RCAN2: variants seen among roughly 807,000 people sequenced by gnomAD.
RCAN2 encodes calcipressin-2.
A neutral mutation model predicts 23.6 loss-of-function variants in RCAN2; 9 were observed. That is an observed-to-expected ratio of 0.38 (90% CI 0.23 to 0.67). The LOEUF is 0.67. Ranked by LOEUF, RCAN2 falls within the 30% of genes least tolerant of loss-of-function variation. RCAN2 has a pLI of 0.51. For synonymous variants in RCAN2, 109 were observed against 115.7 expected (o/e 0.94, Z 0.37); for missense variants, 273 against 302.3 (o/e 0.90, Z 0.72).
At chr6:46,423,164 AT>A (rs959072731) in intron 2 of RCAN2, among the ~76,000 whole-genome samples, 2 of 152,096 alleles carry the variant, frequency 1.3e-5, no homozygotes, top group African/African-American at 4.8e-5. Flanking sequence ...AAGTCCTAGT[AT>A]TTGTGGATTG....
At chr6:46,317,357 T>A (rs1013821523) in intron 2 of RCAN2, among the ~76,000 whole-genome samples, 1 of 152,194 alleles carries the variant, frequency 6.6e-6, no homozygotes, top group African/African-American at 2.4e-5. Context: ...TGATAAGAAA[T>A]AGACAAAAAC....
chr6:46,286,196 C>T (rs955825292), intron 2 of RCAN2, among the ~76,000 whole-genome samples: 5 of 152,172 alleles, frequency 3.3e-5, no homozygotes, highest in Non-Finnish European at 7.3e-5. Context: ...TGCCAAAGGC[C>T]TCCAACTGTT....
chr6:46,458,608 T>C (rs994752924), intron 1 of RCAN2, among the ~76,000 whole-genome samples: 49 of 152,210 alleles, frequency 3.2e-4, no homozygotes, highest in African/African-American at 1.2e-3. Flanking sequence ...AAAAATATGG[T>C]ACATGTTTTA....
chr6:46,457,125 A>G, intron 1 of RCAN2, 147 bp from the exon 2 acceptor site: 1 of 621,432 alleles, frequency 1.6e-6, no homozygotes, highest in Non-Finnish European at 2.8e-6. Flanking sequence ...GAAGATCTGC[A>G]AGTTCACATG....
intron 2 of RCAN2, among the ~76,000 whole-genome samples, chr6:46,299,557 T>C (rs770661542): frequency 2.6e-4 from 40 of 152,132 alleles, no homozygotes; most frequent in Non-Finnish European, 4.7e-4. Context: ...ACATGAAAAC[T>C]TGAGCTACTA....
At chr6:46,399,399 T>C (rs1029282378) in intron 2 of RCAN2, among the ~76,000 whole-genome samples, 3 of 150,978 alleles carry the variant, frequency 2.0e-5, no homozygotes, top group African/African-American at 2.4e-5. Flanking sequence ...GGAAAACTAA[T>C]ACACCTTGCC....
intron 2 of RCAN2, among the ~76,000 whole-genome samples, chr6:46,394,559 C>G (rs998701480): frequency 6.6e-6 from 1 of 152,106 alleles, no homozygotes; most frequent in Non-Finnish European, 1.5e-5. Flanking sequence ...CGAGATATTG[C>G]TATACTTTCA....
chr6:46,396,701 CTAAAG>C (rs1477643540), intron 2 of RCAN2, among the ~76,000 whole-genome samples: 8 of 152,166 alleles, frequency 5.3e-5, no homozygotes, highest in Non-Finnish European at 1.0e-4. Context: ...GTTAGAGATA[CTAAAG>C]TAAACAGAAT....
At chr6:46,286,731 G>A (rs768421713) in intron 2 of RCAN2, among the ~76,000 whole-genome samples, 6 of 152,152 alleles carry the variant, frequency 3.9e-5, no homozygotes, top group Non-Finnish European at 8.8e-5. Flanking sequence ...GGCCGGGAGT[G>A]GTGGCTCACG....
intron 2 of RCAN2, among the ~76,000 whole-genome samples, chr6:46,402,995 C>T (rs1390626571): frequency 1.3e-5 from 2 of 150,918 alleles, no homozygotes; most frequent in Admixed American, 6.6e-5. Flanking sequence ...GACGGAGTCT[C>T]GCTCTGTTAC....
chr6:46,468,762 TTCTC>T (rs760279866), intron 1 of RCAN2: 4 of 965,800 alleles, frequency 4.1e-6, no homozygotes, highest in Non-Finnish European at 4.9e-6. Context: ...TCCCCACTCT[TTCTC>T]TCTCTCCGCT....
At chr6:46,275,995 C>A (rs1187657003) in intron 2 of RCAN2, among the ~76,000 whole-genome samples, 1 of 152,120 alleles carries the variant, frequency 6.6e-6, no homozygotes, top group Non-Finnish European at 1.5e-5. Flanking sequence ...ATCACGATGT[C>A]AGGAGTTCGA....
Position 46,457,134 on chromosome 6 carries a change from T to C in RCAN2, c.-2-156A>G, listed in dbSNP as rs561804994. Among the ~76,000 whole-genome samples the C allele has an allele frequency of 8.5e-5, 13 of 152,320 alleles. No individual in the cohort carries two copies. The South Asian group carries it at 2.7e-3, about 32-fold the overall frequency. ...AAGGGAGAAGATCTGCAAGTTCACA[T>C]GGTTCCCTTGATCCCTGAACCAGAA... On this transcript the variant is annotated intron_variant, in intron 1 of 4. Coordinates refer to ENST00000371374, the MANE Select transcript of RCAN2 (RefSeq NM_001251974.2).
intron 2 of RCAN2, among the ~76,000 whole-genome samples, chr6:46,401,271 A>G (rs759388124): frequency 1.4e-4 from 21 of 152,032 alleles, no homozygotes; most frequent in Non-Finnish European, 2.5e-4. Context: ...TGTCCTTCCA[A>G]CCTAGGCAGG....
At chr6:46,253,945 C>T (rs968868945) in intron 2 of RCAN2, among the ~76,000 whole-genome samples, 1 of 152,078 alleles carries the variant, frequency 6.6e-6, no homozygotes, top group Non-Finnish European at 1.5e-5. Context: ...ATGTGTAGTA[C>T]GCTATACCAT....
rs1402312905 is a variant in RCAN2 at position 46,227,928 on chromosome 6, C to T, written c.572-4627G>A. On this transcript the variant is annotated intron_variant, in intron 4 of 4. Coordinates refer to ENST00000371374, the MANE Select transcript of RCAN2 (RefSeq NM_001251974.2). ...TGGGCATTTAGTGCTATAAATTTCC[C>T]TCTACACACTGCTTTAAATGTGTCC... Among the ~76,000 whole-genome samples the T allele has an allele frequency of 3.7e-4, 56 of 152,166 alleles. 1 individual carries two copies. The highest frequency in any genetic ancestry group is 1.5e-5 in the Non-Finnish European group (1 of 68,026).
At chr6:46,438,566 G>A (rs149473802) in intron 2 of RCAN2, 1 of 152,478 alleles carries the variant, frequency 6.6e-6, no homozygotes, top group South Asian at 2.1e-4. Flanking sequence ...GAGGTGAGAG[G>A]AGCTGAACAA....
intron 2 of RCAN2, among the ~76,000 whole-genome samples, chr6:46,330,521 G>T (rs371116006): frequency 6.6e-6 from 1 of 152,070 alleles, no homozygotes; most frequent in Non-Finnish European, 1.5e-5. Flanking sequence ...CACACAATTC[G>T]AAAAGCAAGA....
chr6:46,400,657 A>G (rs971559228), intron 2 of RCAN2, among the ~76,000 whole-genome samples: 2 of 152,180 alleles, frequency 1.3e-5, no homozygotes, highest in African/African-American at 4.8e-5. Context: ...TTGCGTCTGG[A>G]TGAGGATCAG....
Sources: allele counts gnomAD v4.1 joint callset (sites outside exome capture counted in the v4.1 genomes callset), GRCh38; gene constraint gnomAD v4.1.1; transcripts MANE v1.5; gene names NCBI Gene and HGNC (gene_info 2026-07-23, HGNC 2026-07-21).